FOXP1: variants seen among roughly 807,000 people sequenced by gnomAD.
FOXP1 encodes forkhead box P1, also known as forkhead box protein P1.
Under a neutral mutation model 98.2 loss-of-function variants are expected in FOXP1, and 15 were observed. That is an observed-to-expected ratio of 0.15 (90% CI 0.10 to 0.24). FOXP1 has a LOEUF of 0.24. Ranked by LOEUF, FOXP1 falls within the 10% of genes least tolerant of loss-of-function variation. The pLI is 1.00. For synonymous variants in FOXP1, 371 were observed against 314.5 expected, an observed-to-expected ratio of 1.18 and a Z score of -1.90; for missense variants, 633 against 848.5, an observed-to-expected ratio of 0.75 and a Z score of 3.15.
chr3:71,091,026 A>G (rs2055756979), intron 7 of FOXP1, among the ~76,000 whole-genome samples: 1 of 151,504 alleles, frequency 6.6e-6, no homozygotes, highest in Non-Finnish European at 1.5e-5. Flanking sequence ...AACCAACATC[A>G]TCATAATATA....
chr3:71,085,165 C>T (rs1295808960), intron 7 of FOXP1, among the ~76,000 whole-genome samples: 1 of 152,026 alleles, frequency 6.6e-6, no homozygotes, highest in African/African-American at 2.4e-5. Context: ...TTTTCTGAGA[C>T]GAGGTCTCAC....
At chr3:71,494,202 T>C (rs1452745206) in intron 2 of FOXP1, among the ~76,000 whole-genome samples, 1 of 152,174 alleles carries the variant, frequency 6.6e-6, no homozygotes, top group Non-Finnish European at 1.5e-5. Context: ...GTCACTAGTG[T>C]GGCCCCAGGA....
chr3:71,303,906 C>T (rs562125552), intron 4 of FOXP1, among the ~76,000 whole-genome samples: 1 of 152,042 alleles, frequency 6.6e-6, no homozygotes, highest in Non-Finnish European at 1.5e-5. Context: ...GCTGTGCAGC[C>T]GGGGTCTCTG....
chr3:71,046,368 G>C (rs1377208991), intron 10 of FOXP1, among the ~76,000 whole-genome samples: 2 of 152,006 alleles, frequency 1.3e-5, no homozygotes, highest in Non-Finnish European at 2.9e-5. Context: ...CTGTTCTGAT[G>C]AGTGTAGAAC....
At chr3:71,537,658 T>G (rs1264099386) in intron 2 of FOXP1, among the ~76,000 whole-genome samples, 1 of 152,188 alleles carries the variant, frequency 6.6e-6, no homozygotes, top group Non-Finnish European at 1.5e-5. Flanking sequence ...TGCCTCAGCC[T>G]CTGGAATTCT....
At chr3:71,242,944 T>G (rs1216329916) in intron 5 of FOXP1, among the ~76,000 whole-genome samples, 1 of 152,282 alleles carries the variant, frequency 6.6e-6, no homozygotes, top group Admixed American at 6.5e-5. Context: ...CCTTTCAAGG[T>G]AGAGCTAGGG....
chr3:71,544,783 A>G (rs1405885101), intron 2 of FOXP1, among the ~76,000 whole-genome samples: 1 of 152,204 alleles, frequency 6.6e-6, no homozygotes, highest in East Asian at 1.9e-4. Context: ...TTACCATATG[A>G]TTAAGTGAAA....
chr3:71,540,771 T>A (rs1015460128), intron 2 of FOXP1, among the ~76,000 whole-genome samples: 5 of 152,230 alleles, frequency 3.3e-5, no homozygotes, highest in Non-Finnish European at 7.3e-5. Flanking sequence ...GCTGAATATG[T>A]ATGAATACAG....
At chr3:71,315,079 T>TAAAAAAAAAAAAAAAAAAAAAAA (rs11355298) in intron 4 of FOXP1, among the ~76,000 whole-genome samples, 12 of 70,690 alleles carry the variant, frequency 1.7e-4, no homozygotes, top group African/African-American at 6.1e-4. Flanking sequence ...CTGGTCCATG[T>TAAAAAAAAAAAAAAAAAAAAAAA]AAAAAAAAAA....
At chr3:70,970,464 A>G in intron 19 of FOXP1, 1 of 461,448 alleles carries the variant, frequency 2.2e-6, no homozygotes, top group Non-Finnish European at 4.0e-6. Flanking sequence ...TGAAATTCTG[A>G]AATAAGAGGA....
At chr3:71,519,436 C>T (rs1331823096) in intron 2 of FOXP1, among the ~76,000 whole-genome samples, 1 of 152,156 alleles carries the variant, frequency 6.6e-6, no homozygotes, top group East Asian at 1.9e-4. Flanking sequence ...CCACCTCTAA[C>T]CTGTCTCTTC....
intron 11 of FOXP1, among the ~76,000 whole-genome samples, chr3:71,031,726 A>C (rs1012710337): frequency 2.0e-5 from 3 of 149,358 alleles, no homozygotes; most frequent in Non-Finnish European, 2.9e-5. Flanking sequence ...GGAAAATGCT[A>C]AACAAACAAA....
intron 5 of FOXP1, among the ~76,000 whole-genome samples, chr3:71,239,962 G>C (rs1047366981): frequency 1.2e-4 from 18 of 152,206 alleles, no homozygotes; most frequent in Admixed American, 9.8e-4. Flanking sequence ...TCCTATCAGA[G>C]AACTGCTGGG....
chr3:71,015,321 C>T (rs994483709), intron 12 of FOXP1, among the ~76,000 whole-genome samples: 31 of 151,940 alleles, frequency 2.0e-4, no homozygotes, highest in African/African-American at 7.5e-4. Context: ...AATATGGGCT[C>T]TTACTAAGAC....
intron 3 of FOXP1, among the ~76,000 whole-genome samples, chr3:71,448,340 A>G (rs2086642543): frequency 6.6e-6 from 1 of 152,190 alleles, no homozygotes; most frequent in South Asian, 2.1e-4. Flanking sequence ...TGCTTTCCTC[A>G]TTCTGCAAAG....
intron 13 of FOXP1, among the ~76,000 whole-genome samples, chr3:70,993,236 T>G (rs892002914): frequency 6.6e-6 from 1 of 151,566 alleles, no homozygotes; most frequent in Admixed American, 6.6e-5. Context: ...TGTAGATGAT[T>G]TGGGAGATGT....
chr3:70,980,896 A>G (rs1448412151), intron 14 of FOXP1, among the ~76,000 whole-genome samples: 2 of 152,176 alleles, frequency 1.3e-5, no homozygotes, highest in Non-Finnish European at 1.5e-5. Flanking sequence ...TTCTCTTTTC[A>G]GTTTAAGAAC....
chr3:71,114,596 C>T (rs2058214442), intron 6 of FOXP1, among the ~76,000 whole-genome samples: 1 of 152,212 alleles, frequency 6.6e-6, no homozygotes, highest in Non-Finnish European at 1.5e-5. Flanking sequence ...TGCTATCCCA[C>T]CTGCCTACTG....
intron 5 of FOXP1, among the ~76,000 whole-genome samples, chr3:71,279,669 G>A (rs2071303810): frequency 1.3e-5 from 2 of 152,050 alleles, no homozygotes; most frequent in African/African-American, 4.8e-5. Flanking sequence ...GATAAACTGC[G>A]ATATATTTAT....
Sources: gnomAD v4.1 joint callset for allele counts (sites outside exome capture counted in the v4.1 genomes callset) on GRCh38, gnomAD v4.1.1 for gene constraint, MANE v1.5 for transcripts, NCBI Gene and HGNC (gene_info 2026-07-23, HGNC 2026-07-21) for gene names.